Variants in NBEA observed in about 807,000 individuals in gnomAD.
The protein encoded by NBEA is neurobeachin, also known as lysosomal-trafficking regulator 2.
NBEA carries 44 observed loss-of-function variants against 343.4 expected under a neutral mutation model. That is an observed-to-expected ratio of 0.13 (90% CI 0.10 to 0.16). The LOEUF (loss-of-function observed/expected upper bound fraction) is 0.16. Among genes scored for constraint, NBEA ranks in the 10% least tolerant of loss-of-function variants. The pLI, the probability that NBEA is intolerant of heterozygous loss-of-function variation, is 1.00. For missense variants in NBEA, 2,555 were observed against 3,631.3 expected (o/e 0.70, Z 7.62); for synonymous variants, 1,175 against 1,238.7 (o/e 0.95, Z 1.08).
intron 24 of NBEA, among the ~76,000 whole-genome samples, chr13:35,167,066 T>G (rs2070094040): frequency 6.6e-6 from 1 of 152,020 alleles, no homozygotes; most frequent in Non-Finnish European, 1.5e-5. Context: ...TTCAGAATAT[T>G]CTTGTGTGCA....
chr13:35,287,483 C>T (rs780649419), intron 34 of NBEA, among the ~76,000 whole-genome samples: 32 of 152,116 alleles, frequency 2.1e-4, no homozygotes, highest in Non-Finnish European at 4.0e-4. Flanking sequence ...TTGGTTTTCA[C>T]CCTAGCCCTC....
At chr13:34,980,836 ATTT>A (rs1024300251) in intron 1 of NBEA, among the ~76,000 whole-genome samples, 1 of 151,964 alleles carries the variant, frequency 6.6e-6, no homozygotes, top group South Asian at 2.1e-4. Context: ...TTGTCGGATG[ATTT>A]TTCTACATTG....
chr13:35,612,358 T>C (rs1233003854), intron 48 of NBEA, among the ~76,000 whole-genome samples: 4 of 152,084 alleles, frequency 2.6e-5, no homozygotes, highest in African/African-American at 9.7e-5. Context: ...GGTCTCGATC[T>C]CCTGACCTCA....
At chr13:35,165,091 C>T (rs767965510) in intron 24 of NBEA, 3 of 533,932 alleles carry the variant, frequency 5.6e-6, no homozygotes, top group Non-Finnish European at 1.2e-5. Context: ...CCATATTACC[C>T]ACGTTCTTGT....
chr13:35,065,280 C>T (rs1429891735), intron 8 of NBEA, among the ~76,000 whole-genome samples: 7 of 151,900 alleles, frequency 4.6e-5, no homozygotes, highest in Admixed American at 1.3e-4. Flanking sequence ...AAATATGCTA[C>T]TAATTTTTCT....
rs781756732 is a variant in NBEA, at chr13:35,476,173, T to C, written c.6585+3637T>C. On this transcript the variant is annotated intron_variant, in intron 41 of 58. Coordinates refer to ENST00000379939, the MANE Select transcript of NBEA (RefSeq NM_001385012.1). The stretch of plus-strand genomic sequence containing the variant: ...GAGATCCGGATTGTACACCGGAGTC[T>C]CGCAGTAAGCTGTGGGATCCAATGC... 4 of 1,611,892 alleles carry C rather than the reference T, an allele frequency of 2.5e-6. No individual in the cohort carries two copies. In the Admixed American group the frequency reaches 5.0e-5, roughly 20 times the overall value.
intron 18 of NBEA, among the ~76,000 whole-genome samples, chr13:35,142,708 A>G (rs1331549814): frequency 6.6e-6 from 1 of 151,550 alleles, no homozygotes; most frequent in Non-Finnish European, 1.5e-5. Flanking sequence ...CTCTGTTTTT[A>G]TCCTCTCGTT....
intron 33 of NBEA, among the ~76,000 whole-genome samples, chr13:35,216,128 C>CA (rs2074050308): frequency 6.6e-6 from 1 of 151,530 alleles, no homozygotes; most frequent in Admixed American, 6.6e-5. Flanking sequence ...GATTTCCCCC[C>CA]AAAAATGATA....
intron 1 of NBEA, among the ~76,000 whole-genome samples, chr13:34,985,833 AT>A (rs1032172608): frequency 2.5e-4 from 37 of 150,850 alleles, no homozygotes; most frequent in African/African-American, 8.9e-4. Context: ...TGAGGTGTTT[AT>A]ATTATTATCT....
At chr13:35,259,611 A>G (rs890979508) in intron 34 of NBEA, among the ~76,000 whole-genome samples, 3 of 152,108 alleles carry the variant, frequency 2.0e-5, no homozygotes, top group African/African-American at 7.2e-5. Flanking sequence ...TTATCAATCT[A>G]AAATCAATCA....
At chr13:35,041,497 A>G (rs2062648016) in intron 2 of NBEA, among the ~76,000 whole-genome samples, 1 of 151,964 alleles carries the variant, frequency 6.6e-6, no homozygotes, top group South Asian at 2.1e-4. Context: ...AAATACCACA[A>G]TAGGTATTAC....
intron 35 of NBEA, among the ~76,000 whole-genome samples, 151 bp downstream of exon 35, chr13:35,290,601 T>C (rs2035740527): frequency 6.6e-6 from 1 of 151,374 alleles, no homozygotes; most frequent in Admixed American, 6.6e-5. Context: ...TATGTTGAGT[T>C]TTATTAGTAT....
intron 25 of NBEA, among the ~76,000 whole-genome samples, chr13:35,169,376 TA>T (rs2070289277): frequency 6.6e-6 from 1 of 151,526 alleles, no homozygotes; most frequent in Non-Finnish European, 1.5e-5. Flanking sequence ...CTTCATTTTT[TA>T]AATTACTTTT....
chr13:35,585,345 CAT>C (rs2153039427), intron 46 of NBEA, among the ~76,000 whole-genome samples: 1 of 152,142 alleles, frequency 6.6e-6, no homozygotes, highest in Admixed American at 6.5e-5. Context: ...GGGGAGGTCA[CAT>C]ATTATGCAGA....
chr13:35,034,310 T>A (rs1320214235), intron 1 of NBEA, among the ~76,000 whole-genome samples: 1 of 151,850 alleles, frequency 6.6e-6, no homozygotes, highest in African/African-American at 2.4e-5. Context: ...ATGTATCAGA[T>A]TGATTGATTT....
intron 1 of NBEA, among the ~76,000 whole-genome samples, chr13:34,992,126 T>A (rs891798874): frequency 1.3e-5 from 2 of 150,720 alleles, no homozygotes; most frequent in Non-Finnish European, 3.0e-5. Context: ...TTTGACAAGT[T>A]TTTTGAATTT....
chr13:35,474,174 G>A (rs1230441589), intron 41 of NBEA: 2 of 152,434 alleles, frequency 1.3e-5, no homozygotes, highest in East Asian at 3.8e-4. Context: ...TCTTGTGATA[G>A]GAAACAATTT....
intron 57 of NBEA, among the ~76,000 whole-genome samples, chr13:35,667,847 G>A (rs369216061): frequency 3.9e-5 from 6 of 152,168 alleles, no homozygotes; most frequent in East Asian, 1.9e-4. Flanking sequence ...TTTTATAATT[G>A]TTTCAGTGCT....
Position 35,118,216 on chromosome 13 carries a change from T to G in NBEA, c.2083-12T>G. The G allele has an allele frequency of 6.9e-7, 1 of 1,440,358 alleles. No homozygotes were observed. The highest frequency in any genetic ancestry group is 9.2e-7 in the Non-Finnish European group (1 of 1,082,692). The allele number at this position is 1,440,358 out of a possible 1,614,324, so 89.2% of individuals were successfully genotyped here. On this transcript the variant is annotated splice_polypyrimidine_tract_variant and intron_variant, in intron 14 of 58. Transcript: ENST00000379939. ...TTAGATGTAAAGTAATAAAATATTT[T>G]TTAAAAATTAGGATCGAGGGGTCAA...
Sources: gnomAD v4.1 joint callset for allele counts (sites outside exome capture counted in the v4.1 genomes callset) on GRCh38, gnomAD v4.1.1 for gene constraint, MANE v1.5 for transcripts, NCBI Gene and HGNC (gene_info 2026-07-23, HGNC 2026-07-21) for gene names.